Variants in CDH12 observed in about 807,000 individuals in gnomAD.
CDH12 encodes the protein cadherin-12.
Under a neutral mutation model 74.1 loss-of-function variants are expected in CDH12, and 41 were observed. The observed-to-expected ratio is 0.55, with a 90% CI of 0.43 to 0.72. The LOEUF is 0.72. CDH12 is among the 30% of genes least tolerant of loss of function. The probability of loss-of-function intolerance (pLI) is 0.00; values close to 1 mark genes in which losing one functional copy is unlikely to be tolerated. For missense variants in CDH12, 945 were observed against 977.2 expected (o/e 0.97, Z 0.44); for synonymous variants, 399 against 355.0 (o/e 1.12, Z -1.39).
At chr5:21,975,697 T>C (rs1237570967) in intron 5 of CDH12, among the ~76,000 whole-genome samples, 2 of 151,998 alleles carry the variant, frequency 1.3e-5, no homozygotes, top group Admixed American at 6.6e-5. Flanking sequence ...CTTCTGTTCA[T>C]CCTTCTCTTA....
intron 3 of CDH12, among the ~76,000 whole-genome samples, chr5:22,346,815 C>T (rs919375445): frequency 2.0e-5 from 3 of 152,070 alleles, no homozygotes; most frequent in African/African-American, 7.2e-5. Flanking sequence ...ACCCTTAAAA[C>T]TGGGGAGTTT....
intron 1 of CDH12, among the ~76,000 whole-genome samples, chr5:22,725,166 C>A (rs1258524219): frequency 7.9e-5 from 12 of 151,818 alleles, no homozygotes; most frequent in Admixed American, 5.9e-4. Context: ...CACCTAAATT[C>A]TCTCTGTGCT....
At chr5:22,392,105 C>T (rs1378886442) in intron 3 of CDH12, among the ~76,000 whole-genome samples, 1 of 152,184 alleles carries the variant, frequency 6.6e-6, no homozygotes, top group African/African-American at 2.4e-5. Flanking sequence ...TGTCCTACCC[C>T]TTCCTTTGGT....
At chr5:22,171,193 T>A (rs1749009999) in intron 4 of CDH12, among the ~76,000 whole-genome samples, 1 of 151,838 alleles carries the variant, frequency 6.6e-6, no homozygotes, top group South Asian at 2.1e-4. Flanking sequence ...TCATTCAGAT[T>A]TATCATGCAG....
intron 2 of CDH12, among the ~76,000 whole-genome samples, chr5:22,477,036 C>T (rs1052586805): frequency 2.0e-5 from 3 of 152,110 alleles, no homozygotes; most frequent in Non-Finnish European, 4.4e-5. Flanking sequence ...GCTTTATCCA[C>T]GTATCTCAAC....
At chr5:21,952,615 G>T (rs1755914223) in intron 6 of CDH12, among the ~76,000 whole-genome samples, 1 of 152,194 alleles carries the variant, frequency 6.6e-6, no homozygotes, top group African/African-American at 2.4e-5. Flanking sequence ...CAATCAGGGT[G>T]TACTGGGAGA....
intron 6 of CDH12, among the ~76,000 whole-genome samples, chr5:21,934,864 G>A (rs1579985384): frequency 6.6e-6 from 1 of 151,918 alleles, no homozygotes; most frequent in East Asian, 1.9e-4. Context: ...TTGGCTCATT[G>A]CAAGCTCCGC....
At chr5:22,266,888 C>T (rs1224846660) in intron 3 of CDH12, among the ~76,000 whole-genome samples, 1 of 152,138 alleles carries the variant, frequency 6.6e-6, no homozygotes, top group East Asian at 1.9e-4. Flanking sequence ...TTTCTTTTGT[C>T]AAATGCAATT....
intron 4 of CDH12, among the ~76,000 whole-genome samples, chr5:22,129,470 G>A (rs1485416296): frequency 4.6e-5 from 7 of 152,202 alleles, no homozygotes; most frequent in East Asian, 3.9e-4. Context: ...GGTACAAAAC[G>A]GGCAAGCTCT....
At chr5:22,348,539 T>G (rs184745108) in intron 3 of CDH12, among the ~76,000 whole-genome samples, 1 of 152,212 alleles carries the variant, frequency 6.6e-6, no homozygotes, top group Non-Finnish European at 1.5e-5. Flanking sequence ...AATCAGATGA[T>G]TGTTCATGTA....
intron 10 of CDH12, among the ~76,000 whole-genome samples, chr5:21,789,830 T>C (rs1348409662): frequency 6.6e-6 from 1 of 152,108 alleles, no homozygotes; most frequent in Admixed American, 6.6e-5. Context: ...TACCCAAAGT[T>C]TGTTAAATTT....
chr5:22,512,440 A>G (rs1196573543), intron 1 of CDH12, among the ~76,000 whole-genome samples: 1 of 152,148 alleles, frequency 6.6e-6, no homozygotes, highest in Non-Finnish European at 1.5e-5. Context: ...GAGACATGTC[A>G]AAAAAATCAG....
chr5:22,185,040 T>C (rs943755419), intron 4 of CDH12, among the ~76,000 whole-genome samples: 1 of 152,012 alleles, frequency 6.6e-6, no homozygotes, highest in African/African-American at 2.4e-5. Flanking sequence ...GTGTGTGTTG[T>C]TCCTCTCTAT....
chr5:22,055,537 A>G (rs192528908), intron 5 of CDH12, among the ~76,000 whole-genome samples: 1 of 152,260 alleles, frequency 6.6e-6, no homozygotes, highest in African/African-American at 2.4e-5. Flanking sequence ...TCCCCTAGGA[A>G]GCTTACTGTA....
chr5:22,606,024 T>C (rs1561523801), intron 1 of CDH12, among the ~76,000 whole-genome samples: 2 of 152,178 alleles, frequency 1.3e-5, no homozygotes, highest in Non-Finnish European at 2.9e-5. Flanking sequence ...AAAAACCAGC[T>C]GGATACTGTC....
chr5:22,279,474 C>G (rs1736781077), intron 3 of CDH12, among the ~76,000 whole-genome samples: 2 of 152,112 alleles, frequency 1.3e-5, no homozygotes, highest in African/African-American at 2.4e-5. Flanking sequence ...GTGCTGCACC[C>G]ATTAACTCGT....
At chr5:21,776,556 C>A (rs1745599853) in intron 11 of CDH12, among the ~76,000 whole-genome samples, 1 of 152,088 alleles carries the variant, frequency 6.6e-6, no homozygotes, top group African/African-American at 2.4e-5. Flanking sequence ...TAAATATGAT[C>A]CACTTCCGAT....
intron 4 of CDH12, among the ~76,000 whole-genome samples, chr5:22,196,421 G>A (rs1750625152): frequency 6.6e-6 from 1 of 152,028 alleles, no homozygotes; most frequent in Admixed American, 6.6e-5. Flanking sequence ...GGGATTACAG[G>A]CATGAGCCAC....
chr5:22,229,007 A>G (rs892162520), intron 3 of CDH12, among the ~76,000 whole-genome samples: 11 of 152,148 alleles, frequency 7.2e-5, no homozygotes, highest in African/African-American at 2.7e-4. Flanking sequence ...TCAAGTGAGT[A>G]GATATCCTCC....
Sources: gnomAD v4.1 joint callset for allele counts (sites outside exome capture counted in the v4.1 genomes callset) on GRCh38, gnomAD v4.1.1 for gene constraint, MANE v1.5 for transcripts, NCBI Gene and HGNC (gene_info 2026-07-23, HGNC 2026-07-21) for gene names.